NXPH1: variants seen among roughly 807,000 people sequenced by gnomAD.
The protein encoded by NXPH1 is neurexophilin 1, also known as neurexophilin-1.
In NXPH1, 5 loss-of-function variants were observed where a neutral mutation model predicts 23.7. The observed-to-expected ratio is 0.21, with a 90% CI of 0.11 to 0.44. NXPH1 has a LOEUF of 0.44. Ranked by LOEUF, NXPH1 falls within the 20% of genes least tolerant of loss-of-function variation. The pLI is 0.99. For missense variants in NXPH1, 324 were observed against 321.6 expected, an observed-to-expected ratio of 1.01 and a Z score of -0.06; for synonymous variants, 144 against 122.2, an observed-to-expected ratio of 1.18 and a Z score of -1.18.
intron 2 of NXPH1, among the ~76,000 whole-genome samples, chr7:8,612,233 A>G (rs879698873): frequency 1.6e-5 from 2 of 127,334 alleles, no homozygotes; most frequent in South Asian, 4.7e-4. Flanking sequence ...TTTTTTTTAC[A>G]TTCTCCCCTT....
intron 2 of NXPH1, among the ~76,000 whole-genome samples, chr7:8,496,581 GT>G (rs1381915175): frequency 6.6e-6 from 1 of 151,984 alleles, no homozygotes; most frequent in Non-Finnish European, 1.5e-5. Context: ...CTTGAAAATG[GT>G]TTTCAAAGGG....
At chr7:8,676,007 A>T (rs115994823) in intron 2 of NXPH1, among the ~76,000 whole-genome samples, 51 of 152,166 alleles carry the variant, frequency 3.4e-4, no homozygotes, top group African/African-American at 1.1e-3. Context: ...ATCTCTAGGG[A>T]TAGGCTTTAG....
chr7:8,745,229 A>G (rs1460119412), intron 2 of NXPH1, among the ~76,000 whole-genome samples: 1 of 152,158 alleles, frequency 6.6e-6, no homozygotes, highest in Non-Finnish European at 1.5e-5. Flanking sequence ...AAAATTGTGT[A>G]TAATTATGGT....
At chr7:8,640,820 G>T (rs1283815858) in intron 2 of NXPH1, among the ~76,000 whole-genome samples, 1 of 152,062 alleles carries the variant, frequency 6.6e-6, no homozygotes, top group Non-Finnish European at 1.5e-5. Context: ...AGCCAGGGTG[G>T]TGGCGAGCCT....
intron 2 of NXPH1, among the ~76,000 whole-genome samples, chr7:8,678,304 A>T (rs748533504): frequency 1.1e-4 from 17 of 152,144 alleles, no homozygotes; most frequent in Non-Finnish European, 2.5e-4. Flanking sequence ...GCTTGGTCTA[A>T]TTGCCATTAT....
At chr7:8,492,892 T>G (rs1044640881) in intron 2 of NXPH1, among the ~76,000 whole-genome samples, 3 of 152,030 alleles carry the variant, frequency 2.0e-5, no homozygotes, top group South Asian at 2.1e-4. Context: ...ATTATTTCCC[T>G]TGTAGCCAGA....
chr7:8,752,375 G>A lies in NXPH1; in HGVS notation c.*606G>A, dbSNP rs1219141476. 6.5e-6 allele frequency: 1 copy of A among 152,688 alleles called. No individual in the cohort carries two copies. The highest frequency in any genetic ancestry group is 1.5e-5 in the Non-Finnish European group (1 of 68,214). 9.5% of individuals were successfully genotyped at this position (152,688 alleles called of 1,614,324 possible). Reference sequence around the variant, plus strand: ...GTAACTTTTTTCCAGCATACAGTAGGCACATTCAAAGTGGTCCAAGATGGC... The same window carrying A: ...GTAACTTTTTTCCAGCATACAGTAGACACATTCAAAGTGGTCCAAGATGGC... On this transcript the variant is annotated 3_prime_UTR_variant, in exon 3 of 3. Coordinates refer to ENST00000405863, the MANE Select transcript of NXPH1 (RefSeq NM_152745.3).
chr7:8,620,885 GTA>G (rs1819853536), intron 2 of NXPH1, among the ~76,000 whole-genome samples: 1 of 152,136 alleles, frequency 6.6e-6, no homozygotes, highest in Non-Finnish European at 1.5e-5. Flanking sequence ...CTTCCAGGTT[GTA>G]TGTTTTTCTT....
At chr7:8,486,247 C>T (rs1392716741) in intron 2 of NXPH1, among the ~76,000 whole-genome samples, 1 of 152,134 alleles carries the variant, frequency 6.6e-6, no homozygotes, top group East Asian at 1.9e-4. Flanking sequence ...TTGTGCCTCT[C>T]CTGATGTAGG....
intron 2 of NXPH1, among the ~76,000 whole-genome samples, chr7:8,454,908 G>A (rs1221615713): frequency 6.6e-6 from 1 of 152,156 alleles, no homozygotes; most frequent in African/African-American, 2.4e-5. Flanking sequence ...CTCATAGTAA[G>A]TTGTATTTCA....
chr7:8,509,584 T>C (rs1817582095), intron 2 of NXPH1, among the ~76,000 whole-genome samples: 1 of 152,194 alleles, frequency 6.6e-6, no homozygotes, highest in Admixed American at 6.5e-5. Context: ...TCCCCCTTCT[T>C]TTTCTGAGTG....
At chr7:8,581,571 C>T (rs1818873446) in intron 2 of NXPH1, among the ~76,000 whole-genome samples, 1 of 152,224 alleles carries the variant, frequency 6.6e-6, no homozygotes, top group Non-Finnish European at 1.5e-5. Flanking sequence ...CCTCCTCCAA[C>T]ATCAGGGATT....
chr7:8,633,317 A>C (rs766282466), intron 2 of NXPH1, among the ~76,000 whole-genome samples: 9 of 152,148 alleles, frequency 5.9e-5, no homozygotes, highest in Non-Finnish European at 1.2e-4. Flanking sequence ...AATCCCAGCT[A>C]CTCAGGAGGC....
intron 2 of NXPH1, among the ~76,000 whole-genome samples, chr7:8,552,111 AACC>A (rs1157476843): frequency 6.8e-6 from 1 of 147,282 alleles, no homozygotes; most frequent in African/African-American, 2.5e-5. Flanking sequence ...GCAGAAAAAA[AACC>A]AAAAAAAAAA....
At chr7:8,749,388 C>T (rs1780527686) in intron 2 of NXPH1, among the ~76,000 whole-genome samples, 1 of 152,166 alleles carries the variant, frequency 6.6e-6, no homozygotes, top group African/African-American at 2.4e-5. Context: ...TCCAGGGAGT[C>T]TGGCTCTAGA....
chr7:8,648,200 C>G (rs1820426568), intron 2 of NXPH1, among the ~76,000 whole-genome samples: 1 of 152,054 alleles, frequency 6.6e-6, no homozygotes, highest in African/African-American at 2.4e-5. Context: ...TAAAAATGTC[C>G]AATTAAGTTA....
chr7:8,554,888 G>C (rs1169740453), intron 2 of NXPH1, among the ~76,000 whole-genome samples: 1 of 151,626 alleles, frequency 6.6e-6, no homozygotes, highest in Non-Finnish European at 1.5e-5. Flanking sequence ...ATTTTTTCTT[G>C]ATCCTATTAG....
At chr7:8,692,066 G>T (rs1436844218) in intron 2 of NXPH1, among the ~76,000 whole-genome samples, 4 of 151,882 alleles carry the variant, frequency 2.6e-5, no homozygotes, top group Non-Finnish European at 4.4e-5. Context: ...CAGGTTCTAG[G>T]CACCAGAAGA....
At chr7:8,546,168 A>G (rs1234099901) in intron 2 of NXPH1, among the ~76,000 whole-genome samples, 1 of 151,434 alleles carries the variant, frequency 6.6e-6, no homozygotes, top group Non-Finnish European at 1.5e-5. Flanking sequence ...TTAAGTGTCA[A>G]GGAGATTGAC....
Sources: allele counts gnomAD v4.1 joint callset (sites outside exome capture counted in the v4.1 genomes callset), GRCh38; gene constraint gnomAD v4.1.1; transcripts MANE v1.5; gene names NCBI Gene and HGNC (gene_info 2026-07-23, HGNC 2026-07-21).